The following SLC12A7 variants were observed in gnomAD, a reference collection of about 807,000 sequenced individuals.
SLC12A7 encodes the protein K-Cl cotransporter 4.
A neutral mutation model predicts 120.6 loss-of-function variants in SLC12A7; 100 were observed. The ratio of observed to expected loss-of-function variants is 0.83; its 90% CI spans 0.71 to 0.98. The LOEUF (loss-of-function observed/expected upper bound fraction) is 0.98, where lower values mean the gene tolerates loss of function less well. SLC12A7 is among the 50% of genes least tolerant of loss of function. The pLI is 0.00. For missense variants in SLC12A7, 1,373 were observed against 1,548.1 expected, an observed-to-expected ratio of 0.89 and a Z score of 1.90; for synonymous variants, 760 against 678.0, an observed-to-expected ratio of 1.12 and a Z score of -1.88.
At chr5:1,142,468 CCT>C in the SLC12A7 span, among the ~76,000 whole-genome samples, 1 of 36,742 alleles carries the variant, frequency 2.7e-5, no homozygotes. Context: ...TCCACTCCCC[CCT>C]CCCCTCCCCC....
chr5:1,090,008 G>A lies in SLC12A7; in HGVS notation c.343-880C>T, dbSNP rs577901138. Among the ~76,000 whole-genome samples, 15 of 152,364 alleles carry A rather than the reference G, an allele frequency of 9.8e-5. No homozygotes were observed. The South Asian group carries it at 2.3e-3, about 23-fold the overall frequency. ...CAGGAAAACGTCTCAAGGTCAATAC[G>A]GAAAAGGGGGAAGGTTTTATTTGAA... On this transcript the variant is annotated intron_variant, in intron 3 of 23. Coordinates refer to ENST00000264930, the MANE Select transcript of SLC12A7 (RefSeq NM_006598.3).
intron 5 of SLC12A7, 36 bp from the exon 6 acceptor site, chr5:1,087,069 C>T (rs201961088): frequency 2.6e-5 from 42 of 1,587,236 alleles, no homozygotes; most frequent in Admixed American, 5.3e-5. Flanking sequence ...GGGTCAGGGG[C>T]GCACTTGGAC....
chr5:1,066,060 C>T (rs1315767530), intron 17 of SLC12A7, among the ~76,000 whole-genome samples: 2 of 152,070 alleles, frequency 1.3e-5, no homozygotes, highest in South Asian at 2.1e-4. Context: ...TTTGCACGTG[C>T]GTGGCCGAGG....
the SLC12A7 span, among the ~76,000 whole-genome samples, chr5:1,143,212 G>A: frequency 3.9e-5 from 6 of 152,228 alleles, no homozygotes; most frequent in African/African-American, 1.2e-4. Context: ...GCCACCTCCC[G>A]CAGCGCTGGT....
At position 1,062,342 on chromosome 5, in the gene SLC12A7, A is replaced by G. The variant is rs561865517; in HGVS notation, c.2739+1502T>C. On this transcript the variant is annotated intron_variant, in intron 20 of 23. Coordinates refer to ENST00000264930, the MANE Select transcript of SLC12A7 (RefSeq NM_006598.3). ...CGTTATTCATACGACTATTAGCACCAATAATAACCCCTACAACCTTGAACC... is the reference window on the plus strand; with the variant it reads ...CGTTATTCATACGACTATTAGCACCGATAATAACCCCTACAACCTTGAACC... Among the ~76,000 whole-genome samples the G allele has an allele frequency of 2.9e-3, 439 of 152,320 alleles. 2 individuals are homozygous for G. The highest frequency in any genetic ancestry group is 9.1e-3 in the African/African-American group (380 of 41,558).
At chr5:1,154,491 A>T in the SLC12A7 span, among the ~76,000 whole-genome samples, 1 of 151,972 alleles carries the variant, frequency 6.6e-6, no homozygotes, top group African/African-American at 2.4e-5. Context: ...ATATACACAC[A>T]TCACACTATA....
At chr5:1,130,466 AG>A in the SLC12A7 span, among the ~76,000 whole-genome samples, 1 of 111,594 alleles carries the variant, frequency 9.0e-6, no homozygotes, top group Non-Finnish European at 2.0e-5. Context: ...ACCCCACCCC[AG>A]GAGAGGCCAC....
At chr5:1,112,342 CCCTCCCCGGCCCCCTCCCCG>C (rs1280207800), upstream of SLC12A7, among the ~76,000 whole-genome samples, 1 of 27,532 alleles carries the variant, frequency 3.6e-5, no homozygotes, top group Non-Finnish European at 6.6e-5. Context: ...GCCCTCCCCG[CCCTCCCCGGCCCCCTCCCCG>C]CCTCCCCTCT....
At chr5:1,087,094 C>A (rs1436729552) in intron 5 of SLC12A7, 61 bp from the exon 6 acceptor site, 1 of 1,531,562 alleles carries the variant, frequency 6.5e-7, no homozygotes. Context: ...ACCCGAGGTG[C>A]GGTCTGCGCT....
At chr5:1,062,718 G>T (rs1310284626) in intron 20 of SLC12A7, among the ~76,000 whole-genome samples, 1 of 150,512 alleles carries the variant, frequency 6.6e-6, no homozygotes, top group South Asian at 2.1e-4. Context: ...GGGGACTGGG[G>T]GGCTGCGGGG....
At position 1,065,303 on chromosome 5, in the gene SLC12A7, A is replaced by C; in HGVS notation, c.2417T>G (p.Phe806Cys). The C allele has an allele frequency of 6.4e-7, 1 of 1,571,000 alleles. No homozygotes were observed. Among genetic ancestry groups the C allele is most frequent in the Non-Finnish European group, 8.7e-7 (1 of 1,155,870 alleles). Residue 806 changes from phenylalanine to cysteine, a missense_variant, in exon 18 of 24, where the codon TTC (phenylalanine) becomes TGC (cysteine). Coordinates refer to ENST00000264930, the MANE Select transcript of SLC12A7 (RefSeq NM_006598.3). Reference protein sequence around the residue: ...PASWKQEDNPFSWKNFVDTVR... With the variant: ...PASWKQEDNPCSWKNFVDTVR... ...CCTACCCACAAAGTTCTTCCAGGAG[A>C]AGGGGTTGTCCTCCTGCTTCCAGGA...
the SLC12A7 span, among the ~76,000 whole-genome samples, chr5:1,154,385 A>G: frequency 6.6e-6 from 1 of 151,870 alleles, no homozygotes; most frequent in Non-Finnish European, 1.5e-5. Context: ...ACACACACAC[A>G]CACACAGAGA....
At chr5:1,104,064 G>A (rs1022399923) in intron 1 of SLC12A7, among the ~76,000 whole-genome samples, 2 of 152,226 alleles carry the variant, frequency 1.3e-5, no homozygotes, top group Non-Finnish European at 2.9e-5. Context: ...TCTGGGCTGC[G>A]GTCGGGGACC....
rs572882218 is a variant in SLC12A7 at position 1,055,789 on chromosome 5, G to A, written c.3026+1682C>T. Among the ~76,000 whole-genome samples the A allele has an allele frequency of 6.6e-5, 10 of 152,374 alleles. 2 individuals are homozygous for A. The highest frequency in any genetic ancestry group is 2.4e-4 in the African/African-American group (10 of 41,590). On this transcript the variant is annotated intron_variant, in intron 22 of 23. Transcript: ENST00000264930. ...TCGGCTTTAATTAACACGCTATTCT[G>A]AAGGCACTTTCAGATTTACAGAACG...
At chr5:1,130,067 T>C in the SLC12A7 span, among the ~76,000 whole-genome samples, 1 of 152,190 alleles carries the variant, frequency 6.6e-6, no homozygotes, top group African/African-American at 2.4e-5. Context: ...TCCACGACTT[T>C]ACTTCTGGAT....
intron 1 of SLC12A7, 130 bp downstream of exon 1, chr5:1,111,738 G>A: frequency 1.1e-6 from 1 of 944,124 alleles, no homozygotes; most frequent in Non-Finnish European, 1.3e-6. Flanking sequence ...CCGAGAACAG[G>A]CGGTGGGGGC....
the SLC12A7 span, among the ~76,000 whole-genome samples, chr5:1,122,700 C>T: frequency 6.6e-6 from 1 of 152,108 alleles, no homozygotes; most frequent in South Asian, 2.1e-4. Flanking sequence ...GACAGGGCCC[C>T]GCGGCATGAC....
At chr5:1,074,986 G>A (rs955837096) in intron 15 of SLC12A7, among the ~76,000 whole-genome samples, 2 of 152,208 alleles carry the variant, frequency 1.3e-5, no homozygotes, top group Admixed American at 6.5e-5. Context: ...CGAGGCGGGT[G>A]CAGGTGGAGG....
intron 7 of SLC12A7, 98 bp downstream of exon 7, chr5:1,085,134 A>G (rs1366492851): frequency 2.0e-6 from 3 of 1,496,504 alleles, no homozygotes. Flanking sequence ...CCTTGCGGGG[A>G]GCTCGGCGTC....
Sources: gnomAD v4.1 joint callset for allele counts (sites outside exome capture counted in the v4.1 genomes callset) on GRCh38, gnomAD v4.1.1 for gene constraint, MANE v1.5 for transcripts, NCBI Gene and HGNC (gene_info 2026-07-23, HGNC 2026-07-21) for gene names.